DOCK2: variants seen among roughly 807,000 people sequenced by gnomAD.
DOCK2 encodes dedicator of cytokinesis protein 2.
A neutral mutation model predicts 248.9 loss-of-function variants in DOCK2; 87 were observed. The observed-to-expected ratio is 0.35, with a 90% CI of 0.29 to 0.42. The LOEUF is 0.42. DOCK2 is among the 10% of genes least tolerant of loss of function. The pLI, the probability that DOCK2 is intolerant of heterozygous loss-of-function variation, is 1.00. For synonymous variants in DOCK2, 805 were observed against 821.6 expected (o/e 0.98, Z 0.35); for missense variants, 1,747 against 2,300.2 (o/e 0.76, Z 4.92).
chr5:170,072,002 A>G (rs1236258755), intron 46 of DOCK2, among the ~76,000 whole-genome samples: 2 of 152,234 alleles, frequency 1.3e-5, no homozygotes, highest in East Asian at 3.8e-4. Flanking sequence ...ATGTAACTAT[A>G]CCAAAATGCA....
chr5:169,712,573 G>A (rs559719299), intron 17 of DOCK2, among the ~76,000 whole-genome samples: 1 of 152,192 alleles, frequency 6.6e-6, no homozygotes, highest in Non-Finnish European at 1.5e-5. Flanking sequence ...ATGTGTAGAG[G>A]ATGTACAATA....
At chr5:169,640,817 T>C (rs181369799) in intron 1 of DOCK2, among the ~76,000 whole-genome samples, 166 of 152,368 alleles carry the variant, frequency 1.1e-3, no homozygotes, top group Non-Finnish European at 2.1e-3. Flanking sequence ...TTGCTGTACC[T>C]GTTGATTCTT....
At chr5:169,878,108 G>A (rs1274699717) in intron 27 of DOCK2, among the ~76,000 whole-genome samples, 1 of 152,170 alleles carries the variant, frequency 6.6e-6, no homozygotes, top group Non-Finnish European at 1.5e-5. Flanking sequence ...ACTATTTTTA[G>A]CATAAACATA....
chr5:169,719,360 A>G (rs1762072876), intron 22 of DOCK2, among the ~76,000 whole-genome samples: 2 of 152,214 alleles, frequency 1.3e-5, no homozygotes, highest in African/African-American at 4.8e-5. Flanking sequence ...ATAGAAGAAC[A>G]ATTCATGTTC....
At position 169,868,852 on chromosome 5, in the gene DOCK2, A is replaced by G. The variant is rs191723595; in HGVS notation, c.2799+28000A>G. The stretch of plus-strand genomic sequence containing the variant: ...GAAAAGACCGGGAGATGGAACGGAA[A>G]CTTTATCTCACCATCACAACTTGAA... On this transcript the variant is annotated intron_variant, in intron 27 of 51. Transcript: ENST00000520908. 3.3e-4 allele frequency among the ~76,000 whole-genome samples: 50 copies of G among 152,306 alleles called. 1 individual carries two copies. The highest frequency in any genetic ancestry group is 1.2e-3 in the African/African-American group (48 of 41,562).
At chr5:169,742,107 C>T (rs1382627741) in intron 22 of DOCK2, among the ~76,000 whole-genome samples, 6 of 152,132 alleles carry the variant, frequency 3.9e-5, no homozygotes, top group Non-Finnish European at 7.4e-5. Context: ...TGAGCCACTG[C>T]GCCCAGCCCT....
intron 27 of DOCK2, chr5:169,883,334 C>T (rs1772777930): frequency 1.3e-6 from 2 of 1,551,614 alleles, no homozygotes; most frequent in Non-Finnish European, 1.7e-6. Context: ...CAAGTTCCTG[C>T]TTCCAAGCAT....
At chr5:169,912,604 T>C (rs1373167200) in intron 27 of DOCK2, among the ~76,000 whole-genome samples, 1 of 141,446 alleles carries the variant, frequency 7.1e-6, no homozygotes, top group Non-Finnish European at 1.5e-5. Context: ...TATGTGCCAC[T>C]GTGTGTGGTG....
chr5:170,025,772 C>T (rs1325330478), intron 33 of DOCK2, among the ~76,000 whole-genome samples: 8 of 135,730 alleles, frequency 5.9e-5, no homozygotes, highest in African/African-American at 2.3e-4. Flanking sequence ...CCCTCCCTCC[C>T]TCCCTCCCTC....
At chr5:169,680,693 C>A (rs1366823914) in intron 6 of DOCK2, among the ~76,000 whole-genome samples, 1 of 151,850 alleles carries the variant, frequency 6.6e-6, no homozygotes, top group East Asian at 1.9e-4. Context: ...TGTACCCCAG[C>A]CTGGAAGACA....
chr5:169,861,034 A>G (rs1241829249), intron 27 of DOCK2, among the ~76,000 whole-genome samples: 1 of 152,256 alleles, frequency 6.6e-6, no homozygotes, highest in Non-Finnish European at 1.5e-5. Context: ...TCTGAGTATA[A>G]TGATACAAAT....
At chr5:169,906,094 G>C (rs913147046) in intron 27 of DOCK2, among the ~76,000 whole-genome samples, 3 of 152,168 alleles carry the variant, frequency 2.0e-5, no homozygotes, top group Non-Finnish European at 4.4e-5. Flanking sequence ...CTTACACTAA[G>C]AGTTACCAAA....
intron 27 of DOCK2, among the ~76,000 whole-genome samples, chr5:169,927,925 C>A (rs254720): frequency 0.9 from 137,316 of 152,232 alleles, 61,992 homozygotes; most frequent in East Asian, 0.98. Context: ...CCGAAAAATT[C>A]TTTATTCAGG....
intron 5 of DOCK2, among the ~76,000 whole-genome samples, chr5:169,671,667 A>C (rs545190621): frequency 1.1e-4 from 17 of 152,360 alleles, no homozygotes; most frequent in African/African-American, 3.8e-4. Context: ...TTTGAAGCAA[A>C]TCTAATTTTA....
intron 27 of DOCK2, among the ~76,000 whole-genome samples, chr5:169,962,411 A>T (rs1378401886): frequency 6.6e-6 from 1 of 152,174 alleles, no homozygotes; most frequent in East Asian, 1.9e-4. Context: ...GTGGGGGAGG[A>T]TGGAGGTTCC....
At chr5:170,067,371 T>C in intron 44 of DOCK2, 139 bp from the exon 45 acceptor site, 1 of 799,110 alleles carries the variant, frequency 1.3e-6, no homozygotes, top group South Asian at 2.1e-5. Flanking sequence ...AGCTCAGTAA[T>C]TACAAGATCC....
chr5:169,959,123 T>A (rs1381923837), intron 27 of DOCK2, among the ~76,000 whole-genome samples: 2 of 151,650 alleles, frequency 1.3e-5, no homozygotes, highest in African/African-American at 2.4e-5. Context: ...CTGGGCATGG[T>A]GGCTCATGCC....
chr5:169,906,964 G>T (rs1459695856), intron 27 of DOCK2, among the ~76,000 whole-genome samples: 1 of 152,144 alleles, frequency 6.6e-6, no homozygotes, highest in Non-Finnish European at 1.5e-5. Context: ...ATTGAGTTCT[G>T]CTATGAGTCA....
chr5:169,667,587 C>A (rs949360331), intron 2 of DOCK2, among the ~76,000 whole-genome samples: 1 of 152,210 alleles, frequency 6.6e-6, no homozygotes, highest in East Asian at 1.9e-4. Context: ...TGTAGCACAG[C>A]GCAGCAGGGT....
Sources: gnomAD v4.1 joint callset for allele counts (sites outside exome capture counted in the v4.1 genomes callset) on GRCh38, gnomAD v4.1.1 for gene constraint, MANE v1.5 for transcripts, NCBI Gene and HGNC (gene_info 2026-07-23, HGNC 2026-07-21) for gene names.